Variants in AFAP1L2 observed in about 807,000 individuals in gnomAD.
AFAP1L2 encodes actin filament associated protein 1 like 2, also known as actin filament-associated protein 1-like 2.
A neutral mutation model predicts 99.3 loss-of-function variants in AFAP1L2; 46 were observed. That is an observed-to-expected ratio of 0.46 (90% CI 0.37 to 0.59). The LOEUF (loss-of-function observed/expected upper bound fraction) is 0.59. Ranked by LOEUF, AFAP1L2 falls within the 20% of genes least tolerant of loss-of-function variation. The pLI is 0.00. For synonymous variants in AFAP1L2, 397 were observed against 419.1 expected (o/e 0.95, Z 0.64); for missense variants, 959 against 1,034.9 (o/e 0.93, Z 1.01).
At chr10:114,311,687 A>C (rs2043264012) in intron 7 of AFAP1L2, among the ~76,000 whole-genome samples, 2 of 152,196 alleles carry the variant, frequency 1.3e-5, no homozygotes, top group East Asian at 3.9e-4. Context: ...CTGCCCAGGG[A>C]AAGTGCCACT....
intron 5 of AFAP1L2, 128 bp from the exon 6 acceptor site, chr10:114,315,893 A>C: frequency 1.1e-6 from 1 of 926,880 alleles, no homozygotes; most frequent in Non-Finnish European, 1.6e-6. Context: ...CCCTGCCCTC[A>C]AAGCAGCCCC....
At chr10:114,404,232 A>G (rs963927125) in intron 1 of AFAP1L2, among the ~76,000 whole-genome samples, 1 of 152,058 alleles carries the variant, frequency 6.6e-6, no homozygotes, top group African/African-American at 2.4e-5. Flanking sequence ...GGGAGGATCA[A>G]AGGGCTCGGG....
intron 1 of AFAP1L2, among the ~76,000 whole-genome samples, chr10:114,350,701 G>A (rs2050307): frequency 0.11 from 16,774 of 152,168 alleles, 1,104 homozygotes; most frequent in East Asian, 0.24. Flanking sequence ...CTCTTGGATG[G>A]TGCTCTGATG....
At chr10:114,372,144 T>A (rs2054202459) in intron 1 of AFAP1L2, among the ~76,000 whole-genome samples, 1 of 152,204 alleles carries the variant, frequency 6.6e-6, no homozygotes, top group African/African-American at 2.4e-5. Context: ...GCTTGGGGAT[T>A]GATGCTCTAA....
chr10:114,288,889 G>C, the AFAP1L2 span: 1 of 1,558,938 alleles, frequency 6.4e-7, no homozygotes, highest in South Asian at 1.2e-5. Context: ...CCGTCGAGGG[G>C]CTCTGACTGG....
At chr10:114,370,933 G>C (rs2054006945) in intron 1 of AFAP1L2, among the ~76,000 whole-genome samples, 1 of 152,116 alleles carries the variant, frequency 6.6e-6, no homozygotes, top group Non-Finnish European at 1.5e-5. Context: ...TTCAAGTCCT[G>C]CTTTCTCCAA....
At chr10:114,307,192 C>G (rs965751608) in intron 10 of AFAP1L2, among the ~76,000 whole-genome samples, 3 of 152,256 alleles carry the variant, frequency 2.0e-5, no homozygotes, top group Admixed American at 6.5e-5. Flanking sequence ...CACCCATACC[C>G]TCTGCACCAG....
chr10:114,367,739 G>A (rs941841679), intron 1 of AFAP1L2, among the ~76,000 whole-genome samples: 3 of 152,182 alleles, frequency 2.0e-5, no homozygotes, highest in Non-Finnish European at 2.9e-5. Flanking sequence ...ACGGGCAGAG[G>A]GGGTGGAAGA....
chr10:114,297,502 C>T (rs183145596), intron 16 of AFAP1L2, 89 bp from the exon 17 acceptor site: 124 of 1,360,838 alleles, frequency 9.1e-5, no homozygotes, highest in Middle Eastern at 1.8e-4. Flanking sequence ...CTACATACCC[C>T]GCCACCCGAG....
intron 1 of AFAP1L2, among the ~76,000 whole-genome samples, chr10:114,387,111 T>C (rs1488321934): frequency 1.3e-5 from 2 of 152,174 alleles, no homozygotes; most frequent in African/African-American, 4.8e-5. Context: ...GAACTGATCA[T>C]TAGTCAGGAG....
intron 4 of AFAP1L2, among the ~76,000 whole-genome samples, chr10:114,326,752 C>T (rs372042692): frequency 6.6e-6 from 1 of 152,086 alleles, no homozygotes; most frequent in Non-Finnish European, 1.5e-5. Context: ...CCTCTCTGGA[C>T]TTGGCATAAG....
chr10:114,301,778 C>T, intron 12 of AFAP1L2: 1 of 403,194 alleles, frequency 2.5e-6, no homozygotes, highest in South Asian at 3.3e-5. Context: ...CCAGCAACCA[C>T]AACAAAAAAC....
chr10:114,293,057 A>G (rs2133778488), downstream of AFAP1L2, among the ~76,000 whole-genome samples: 1 of 152,330 alleles, frequency 6.6e-6, no homozygotes, highest in South Asian at 2.1e-4. Context: ...CAAACATTCA[A>G]GGGTACTTTG....
intron 1 of AFAP1L2, among the ~76,000 whole-genome samples, chr10:114,390,493 C>T (rs540766677): frequency 3.9e-5 from 6 of 152,176 alleles, no homozygotes; most frequent in Middle Eastern, 3.4e-3. Context: ...GAGGCTGAGG[C>T]GGGCAGATCA....
chr10:114,369,334 G>A (rs1192048912), intron 1 of AFAP1L2, among the ~76,000 whole-genome samples: 1 of 152,164 alleles, frequency 6.6e-6, no homozygotes, highest in Non-Finnish European at 1.5e-5. Flanking sequence ...AGTGGCTCAC[G>A]CCTGTAATCC....
chr10:114,309,838 C>T (rs1426949348), intron 8 of AFAP1L2, among the ~76,000 whole-genome samples: 2 of 152,158 alleles, frequency 1.3e-5, no homozygotes, highest in Non-Finnish European at 1.5e-5. Context: ...CACCTACAAG[C>T]AAGAAAATAT....
Position 114,319,709 on chromosome 10 carries a change from C to G in AFAP1L2, c.406+3462G>C, listed in dbSNP as rs148392659. The G allele has an allele frequency of 9.4e-4, 1,106 of 1,174,752 alleles. 2 individuals carry two copies. The highest frequency in any genetic ancestry group is 1.2e-3 in the Non-Finnish European group (1,025 of 887,566). The allele number at this position is 1,174,752 out of a possible 1,614,324, so 72.8% of individuals were successfully genotyped here. ...GAGAGACAGAATGAAGAGAGGAGCA[C>G]GCCCAAGTGCAGAGACACAAAGAGA... On this transcript the variant is annotated intron_variant, in intron 5 of 18. Transcript: ENST00000304129.
chr10:114,299,149 G>T, intron 16 of AFAP1L2, 111 bp downstream of exon 16: 15 of 1,354,042 alleles, frequency 1.1e-5, no homozygotes, highest in Non-Finnish European at 1.5e-5. Context: ...GGTTGAAGGG[G>T]CCAGGGCCCA....
chr10:114,386,970 G>A (rs1182690273), intron 1 of AFAP1L2, among the ~76,000 whole-genome samples: 1 of 152,194 alleles, frequency 6.6e-6, no homozygotes, highest in African/African-American at 2.4e-5. Flanking sequence ...ATCCCTTACT[G>A]AGCCTTCACT....
Sources: allele counts gnomAD v4.1 joint callset (sites outside exome capture counted in the v4.1 genomes callset), GRCh38; gene constraint gnomAD v4.1.1; transcripts MANE v1.5; gene names NCBI Gene and HGNC (gene_info 2026-07-23, HGNC 2026-07-21).